Variants in STAU1 observed in about 807,000 individuals in gnomAD.
STAU1 encodes double-stranded RNA-binding protein Staufen homolog 1.
Under a neutral mutation model 62.9 loss-of-function variants are expected in STAU1, and 13 were observed. The observed-to-expected ratio is 0.21, with a 90% CI of 0.13 to 0.33. STAU1 has a LOEUF of 0.33. STAU1 is among the 10% of genes least tolerant of loss of function. The probability of loss-of-function intolerance (pLI) is 1.00; values close to 1 mark genes in which losing one functional copy is unlikely to be tolerated. For synonymous variants in STAU1, 269 were observed against 265.1 expected (o/e 1.01, Z -0.14); for missense variants, 571 against 712.1 (o/e 0.80, Z 2.25).
At chr20:49,204,823 T>A in the STAU1 span, among the ~76,000 whole-genome samples, 1 of 151,322 alleles carries the variant, frequency 6.6e-6, no homozygotes, top group Non-Finnish European at 1.5e-5. Flanking sequence ...TAATTTTTTG[T>A]ATTTTTAGTA....
chr20:49,170,049 G>T (rs149347681), intron 2 of STAU1, among the ~76,000 whole-genome samples: 106 of 152,300 alleles, frequency 7.0e-4, no homozygotes, highest in African/African-American at 2.4e-3. Flanking sequence ...TGTGGTGAAG[G>T]AGAATCTGGG....
chr20:49,197,990 G>A, the STAU1 span, among the ~76,000 whole-genome samples: 4 of 152,176 alleles, frequency 2.6e-5, no homozygotes, highest in East Asian at 1.9e-4. Context: ...GATTATAGGC[G>A]TGAGCCACAC....
chr20:49,194,513 CTGTGGGAGGCCAA>C, the STAU1 span, among the ~76,000 whole-genome samples: 1 of 151,492 alleles, frequency 6.6e-6, no homozygotes, highest in Non-Finnish European at 1.5e-5. Flanking sequence ...AATCCCAGCA[CTGTGGGAGGCCAA>C]GGTGGGAGGA....
At chr20:49,203,845 C>A in the STAU1 span, among the ~76,000 whole-genome samples, 4 of 152,174 alleles carry the variant, frequency 2.6e-5, no homozygotes, top group African/African-American at 9.6e-5. Context: ...CGCCACCACG[C>A]CTGGCTAATT....
At chr20:49,219,170 C>G in the STAU1 span, 3 of 595,484 alleles carry the variant, frequency 5.0e-6, no homozygotes, top group Non-Finnish European at 9.0e-6. Context: ...TTTAGACTCT[C>G]TCACCCTTCC....
intron 5 of STAU1, among the ~76,000 whole-genome samples, chr20:49,138,157 T>C (rs1325076110): frequency 6.6e-6 from 1 of 152,028 alleles, no homozygotes; most frequent in Non-Finnish European, 1.5e-5. Context: ...GTGTCGCACA[T>C]CTGTGGTCCC....
In STAU1 at chr20:49,135,800, G is replaced by C. The variant is rs202168975; in HGVS notation, c.609+33C>G. ...TATGATGAATGCTAACAGGATTTTA[G>C]AATACAAAGTCCTACATGTAAAATT... On this transcript the variant is annotated intron_variant, in intron 6 of 13. Coordinates refer to ENST00000371856, the MANE Select transcript of STAU1 (RefSeq NM_017453.4). The C allele has an allele frequency of 9.9e-5, 149 of 1,509,720 alleles. No individual in the cohort carries two copies. The East Asian group carries it at 3.4e-3, about 34-fold the overall frequency. The allele number at this position is 1,509,720 out of a possible 1,614,324, so 93.5% of individuals were successfully genotyped here.
intron 1 of STAU1, among the ~76,000 whole-genome samples, chr20:49,184,211 A>G (rs2093759964): frequency 6.6e-6 from 1 of 152,058 alleles, no homozygotes; most frequent in African/African-American, 2.4e-5. Context: ...GATTACAGGC[A>G]TGGGGTTGCA....
At chr20:49,210,125 G>C in the STAU1 span, among the ~76,000 whole-genome samples, 1 of 152,052 alleles carries the variant, frequency 6.6e-6, no homozygotes, top group African/African-American at 2.4e-5. Context: ...ATCTCTGATT[G>C]GTGTGGGTTC....
chr20:49,194,429 C>CAAAA, the STAU1 span, among the ~76,000 whole-genome samples: 33 of 80,788 alleles, frequency 4.1e-4, no homozygotes, highest in East Asian at 3.1e-3. Flanking sequence ...AACTCCGTCT[C>CAAAA]AAAAAAAAAA....
At chr20:49,210,711 T>C in the STAU1 span, among the ~76,000 whole-genome samples, 1 of 152,200 alleles carries the variant, frequency 6.6e-6, no homozygotes, top group Non-Finnish European at 1.5e-5. Flanking sequence ...AACTTGTTCT[T>C]GTATCTTCAT....
At chr20:49,125,457 G>C (rs1336125766) in intron 6 of STAU1, among the ~76,000 whole-genome samples, 3 of 146,976 alleles carry the variant, frequency 2.0e-5, no homozygotes, top group Non-Finnish European at 3.0e-5. Context: ...TTGAACCTGA[G>C]AGACGGAGGT....
intron 5 of STAU1, among the ~76,000 whole-genome samples, chr20:49,143,768 C>T (rs1170205752): frequency 6.6e-6 from 1 of 152,126 alleles, no homozygotes; most frequent in African/African-American, 2.4e-5. Flanking sequence ...TGACAAAAGC[C>T]ATTTTATTAG....
chr20:49,139,166 T>C (rs1304033253), intron 5 of STAU1, among the ~76,000 whole-genome samples: 2 of 152,184 alleles, frequency 1.3e-5, no homozygotes, highest in Non-Finnish European at 2.9e-5. Context: ...AAAAGTGTTA[T>C]GACACCATCT....
Position 49,182,577 on chromosome 20 carries a change from G to A in STAU1, c.-160+5539C>T, listed in dbSNP as rs529781853. On this transcript the variant is annotated intron_variant, in intron 1 of 13. Transcript: ENST00000371856. ...AGGTATGCCGGGCACAGTGGCTCAC[G>A]CCTGTAATCCCAGCACTTCGGGAGG... Among the ~76,000 whole-genome samples, 82 of 152,308 alleles carry A rather than the reference G, an allele frequency of 5.4e-4. 1 individual carries two copies. Among genetic ancestry groups the A allele is most frequent in the African/African-American group, 1.5e-3 (62 of 41,574 alleles).
chr20:49,124,666 A>G, intron 6 of STAU1, 79 bp from the exon 7 acceptor site: 1 of 1,442,412 alleles, frequency 6.9e-7, no homozygotes, highest in South Asian at 1.2e-5. Flanking sequence ...GGCACACTTC[A>G]CACAGACACA....
chr20:49,123,313 G>C, intron 7 of STAU1, 78 bp from the exon 8 acceptor site: 1 of 1,597,940 alleles, frequency 6.3e-7, no homozygotes, highest in Non-Finnish European at 8.6e-7. Context: ...CAGGATATGA[G>C]AGGAGATAAG....
At chr20:49,131,476 T>A (rs1452413312) in intron 6 of STAU1, among the ~76,000 whole-genome samples, 28 of 152,158 alleles carry the variant, frequency 1.8e-4, no homozygotes, top group Admixed American at 1.8e-3. Context: ...AGTTAAAGGG[T>A]ATGATATCTA....
At chr20:49,121,128 C>T (rs1351303615) in intron 8 of STAU1, among the ~76,000 whole-genome samples, 2 of 150,224 alleles carry the variant, frequency 1.3e-5, no homozygotes, top group East Asian at 2.1e-4. Context: ...ATCAACCAGC[C>T]GGGCGTGGTG....
Sources: gnomAD v4.1 joint callset for allele counts (sites outside exome capture counted in the v4.1 genomes callset) on GRCh38, gnomAD v4.1.1 for gene constraint, MANE v1.5 for transcripts, NCBI Gene and HGNC (gene_info 2026-07-23, HGNC 2026-07-21) for gene names.